ATG7: variants seen among roughly 807,000 people sequenced by gnomAD.
ATG7 encodes the protein autophagy related 7, also known as ubiquitin-like modifier-activating enzyme ATG7.
In ATG7, 70 loss-of-function variants were observed where a neutral mutation model predicts 82.4. The ratio of observed to expected loss-of-function variants is 0.85; its 90% CI spans 0.70 to 1.04. The LOEUF is 1.04. Among genes scored for constraint, ATG7 ranks in the 50% least tolerant of loss-of-function variants. The probability of loss-of-function intolerance (pLI) is 0.00; values close to 1 mark genes in which losing one functional copy is unlikely to be tolerated. For synonymous variants in ATG7, 287 were observed against 313.0 expected, an observed-to-expected ratio of 0.92 and a Z score of 0.88; for missense variants, 792 against 864.3, an observed-to-expected ratio of 0.92 and a Z score of 1.05.
chr3:11,573,355 G>T, the ATG7 span, among the ~76,000 whole-genome samples: 2 of 94,450 alleles, frequency 2.1e-5, no homozygotes, highest in African/African-American at 6.7e-5. Flanking sequence ...AAGAAAGAAA[G>T]AAAGAAAGAA....
intron 20 of ATG7, among the ~76,000 whole-genome samples, chr3:11,491,234 A>C (rs1331144908): frequency 6.6e-6 from 1 of 151,872 alleles, no homozygotes; most frequent in African/African-American, 2.4e-5. Context: ...ATCTTCCATC[A>C]CTGATACCCT....
In ATG7 at chr3:11,490,033, G is replaced by C. The variant is rs1433333286; in HGVS notation, c.2079+63107G>C. 2.6e-5 allele frequency among the ~76,000 whole-genome samples: 4 copies of C among 152,056 alleles called. No homozygotes were observed. The East Asian group carries it at 5.8e-4, about 22-fold the overall frequency. The stretch of plus-strand genomic sequence containing the variant: ...CTGAGTTCAATTCCTGGGTATCCTT[G>C]TTAACTTTCTGTCTCTTTGATCTGT... On this transcript the variant is annotated intron_variant, in intron 20 of 20. Transcript: ENST00000693202.
Position 11,545,231 on chromosome 3 carries a change from C to G in ATG7, c.2080-9580C>G, listed in dbSNP as rs569996950. Among the ~76,000 whole-genome samples the G allele has an allele frequency of 3.9e-5, 6 of 152,272 alleles. No individual in the cohort carries two copies. The South Asian group carries it at 8.3e-4, about 21-fold the overall frequency. The stretch of plus-strand genomic sequence containing the variant: ...CTGAAGAGTTTGGACTTCACTCTCC[C>G]TCTGTGCAAGGGGAAGATTTTGAAG... On this transcript the variant is annotated intron_variant, in intron 20 of 20. Coordinates refer to ENST00000693202, the MANE Select transcript of ATG7 (RefSeq NM_001349232.2).
At chr3:11,554,204 C>T (rs770347187) in intron 20 of ATG7, among the ~76,000 whole-genome samples, 4 of 152,202 alleles carry the variant, frequency 2.6e-5, no homozygotes, top group African/African-American at 7.2e-5. Flanking sequence ...TCGGAGGACA[C>T]GCATTGAGGG....
downstream of ATG7, among the ~76,000 whole-genome samples, chr3:11,561,938 C>T (rs530424021): frequency 8.3e-5 from 11 of 133,118 alleles, no homozygotes; most frequent in South Asian, 4.9e-4. Context: ...CTCACTCTGT[C>T]GTCCAGGCTG....
At chr3:11,301,008 A>G (rs1473156269) in intron 5 of ATG7, among the ~76,000 whole-genome samples, 1 of 152,208 alleles carries the variant, frequency 6.6e-6, no homozygotes, top group African/African-American at 2.4e-5. Flanking sequence ...TGTATAGTAT[A>G]AGAACAAAAG....
At chr3:11,547,071 T>C (rs2071356403) in intron 20 of ATG7, among the ~76,000 whole-genome samples, 1 of 152,250 alleles carries the variant, frequency 6.6e-6, no homozygotes, top group African/African-American at 2.4e-5. Flanking sequence ...GGGCACCTAT[T>C]GTGCATTTGC....
At chr3:11,484,396 A>C (rs148153415) in intron 20 of ATG7, among the ~76,000 whole-genome samples, 2 of 151,588 alleles carry the variant, frequency 1.3e-5, no homozygotes, top group African/African-American at 4.9e-5. Context: ...GTCTCAAAAA[A>C]TGAAAAAACA....
chr3:11,426,902 G>T lies in ATG7; in HGVS notation c.2055G>T (p.Leu685=). The stretch of plus-strand genomic sequence containing the variant: ...AAGACTTGACTGGTCTTACATTGCT[G>T]CATCAAGAAACCCAAGCTGCTGAGG... ...FLEDLTGLTL[L]HQETQAAEIW... The change falls in exon 20 of 21, where the codon CTG becomes CTT. Residue 685 remains leucine (L), a synonymous_variant. Coordinates refer to ENST00000693202, the MANE Select transcript of ATG7 (RefSeq NM_001349232.2). 1 of 1,605,580 alleles carries T rather than the reference G, an allele frequency of 6.2e-7. No homozygotes were observed.
chr3:11,377,783 C>G (rs527347927), intron 18 of ATG7, among the ~76,000 whole-genome samples: 28 of 152,266 alleles, frequency 1.8e-4, no homozygotes, highest in African/African-American at 6.7e-4. Context: ...TGAGTATTCT[C>G]AAGCCTGTAA....
chr3:11,531,599 G>A (rs1264761074), intron 20 of ATG7, among the ~76,000 whole-genome samples: 1 of 152,196 alleles, frequency 6.6e-6, no homozygotes, highest in Non-Finnish European at 1.5e-5. Flanking sequence ...TAGGCCAGGT[G>A]CAATGGCTCA....
rs573440257 is a variant in ATG7, at chr3:11,438,369, C to T, written c.2079+11443C>T. ...TTTGAAAAGTCAAACAGGAGTAAAA[C>T]ATTTAGGACTTGAAAAGATTACATT... On this transcript the variant is annotated intron_variant, in intron 20 of 20. Coordinates refer to ENST00000693202, the MANE Select transcript of ATG7 (RefSeq NM_001349232.2). 2.0e-5 allele frequency among the ~76,000 whole-genome samples: 3 copies of T among 152,252 alleles called. No homozygotes were observed. The East Asian group carries it at 5.8e-4, about 29-fold the overall frequency.
chr3:11,563,226 A>G, the ATG7 span, among the ~76,000 whole-genome samples: 1 of 152,294 alleles, frequency 6.6e-6, no homozygotes, highest in East Asian at 1.9e-4. Flanking sequence ...GTGCTCCGAG[A>G]TTACAGCTGA....
At chr3:11,566,147 C>T in the ATG7 span, among the ~76,000 whole-genome samples, 1 of 152,200 alleles carries the variant, frequency 6.6e-6, no homozygotes, top group Non-Finnish European at 1.5e-5. Context: ...GAATATGTTA[C>T]ACACACAATG....
intron 9 of ATG7, among the ~76,000 whole-genome samples, chr3:11,320,974 CAT>C (rs1477648580): frequency 6.6e-6 from 1 of 152,240 alleles, no homozygotes; most frequent in Non-Finnish European, 1.5e-5. Context: ...GAGTTACACA[CAT>C]GGTTACTGGC....
intron 20 of ATG7, among the ~76,000 whole-genome samples, chr3:11,497,830 C>T (rs1320231382): frequency 6.6e-6 from 1 of 151,924 alleles, no homozygotes; most frequent in Non-Finnish European, 1.5e-5. Flanking sequence ...TACAGGAGCC[C>T]AGATTATGAT....
At chr3:11,411,453 G>A (rs550823924) in intron 19 of ATG7, among the ~76,000 whole-genome samples, 84 of 151,614 alleles carry the variant, frequency 5.5e-4, no homozygotes, top group Admixed American at 6.6e-4. Flanking sequence ...GTGAAACCCC[G>A]TCTCTAAAAA....
At chr3:11,382,266 C>T (rs1362260577) in intron 19 of ATG7, among the ~76,000 whole-genome samples, 1 of 152,204 alleles carries the variant, frequency 6.6e-6, no homozygotes, top group Non-Finnish European at 1.5e-5. Context: ...CAAAGCAATA[C>T]ATTATATACA....
At chr3:11,339,390 C>T (rs941085553) in intron 11 of ATG7, among the ~76,000 whole-genome samples, 4 of 151,704 alleles carry the variant, frequency 2.6e-5, no homozygotes, top group Non-Finnish European at 5.9e-5. Flanking sequence ...AACTTCAAGT[C>T]AAGGAGTTTC....
Sources: allele counts gnomAD v4.1 joint callset (sites outside exome capture counted in the v4.1 genomes callset), GRCh38; gene constraint gnomAD v4.1.1; transcripts MANE v1.5; gene names NCBI Gene and HGNC (gene_info 2026-07-23, HGNC 2026-07-21).